NPHP1: variants seen among roughly 807,000 people sequenced by gnomAD.
The protein encoded by NPHP1 is nephrocystin 1, also known as nephrocystin-1.
Under a neutral mutation model 90.4 loss-of-function variants are expected in NPHP1, and 70 were observed. The observed-to-expected ratio is 0.77, with a 90% confidence interval of 0.64 to 0.95. The LOEUF is 0.95. Ranked by LOEUF, NPHP1 falls within the 40% of genes least tolerant of loss-of-function variation. NPHP1 has a pLI of 0.00. For missense variants in NPHP1, 764 were observed against 795.9 expected (o/e 0.96, Z 0.48); for synonymous variants, 256 against 271.7 (o/e 0.94, Z 0.57).
chr2:110,204,321 C>G (rs1685772139), intron 1 of NPHP1, among the ~76,000 whole-genome samples: 2 of 152,168 alleles, frequency 1.3e-5, no homozygotes, highest in Non-Finnish European at 2.9e-5. Flanking sequence ...ACTTGAGTAT[C>G]TTTGAAGTTA....
At position 110,126,344 on chromosome 2, in the gene NPHP1, C is replaced by T. The variant is rs1342368876; in HGVS notation, c.1717-663G>A. On this transcript the variant is annotated intron_variant, in intron 18 of 19. Transcript: ENST00000445609. ...GTCAGTAGATATCCTCCTGTTGGCACCTGATATCATGAGTAACCTGAAAGC... is the reference window on the plus strand; with the variant it reads ...GTCAGTAGATATCCTCCTGTTGGCATCTGATATCATGAGTAACCTGAAAGC... The T allele has an allele frequency of 1.3e-5, 2 of 152,906 alleles. 1 individual carries two copies. The highest frequency in any genetic ancestry group is 6.3e-3 in the Middle Eastern group (2 of 316). 9.5% of individuals were successfully genotyped at this position (152,906 alleles called of 1,614,324 possible). A position where few individuals can be genotyped will look rare whatever the true frequency, so the allele number is the denominator to read the frequency against.
chr2:110,164,840 C>G (rs1284468920), intron 7 of NPHP1, 110 bp from the exon 8 acceptor site: 2 of 1,078,756 alleles, frequency 1.9e-6, no homozygotes, highest in Non-Finnish European at 2.9e-6. Flanking sequence ...GAAAATCTAA[C>G]AGTTTCCAGA....
intron 2 of NPHP1, among the ~76,000 whole-genome samples, chr2:110,186,350 C>T (rs1684284147): frequency 6.6e-6 from 1 of 152,184 alleles, no homozygotes; most frequent in Non-Finnish European, 1.5e-5. Context: ...AACCATGTTG[C>T]CTTTTGCCAC....
At chr2:110,160,985 GCAAAACCCCATCTTTA>G in intron 10 of NPHP1, among the ~76,000 whole-genome samples, 1 of 152,086 alleles carries the variant, frequency 6.6e-6, no homozygotes, top group Middle Eastern at 3.4e-3. Context: ...TGGCAACGTG[GCAAAACCCCATCTTTA>G]CAAAAAATAC....
intron 16 of NPHP1, among the ~76,000 whole-genome samples, chr2:110,135,930 C>T (rs551833486): frequency 1.3e-5 from 2 of 152,198 alleles, no homozygotes; most frequent in East Asian, 1.9e-4. Context: ...ATGGATTCCA[C>T]GAGTAATTAA....
At chr2:110,175,167 A>C (rs2104599117) in intron 4 of NPHP1, among the ~76,000 whole-genome samples, 1 of 152,250 alleles carries the variant, frequency 6.6e-6, no homozygotes, top group African/African-American at 2.4e-5. Context: ...ACTTTATAGA[A>C]CATAACTACT....
chr2:110,141,332 C>T (rs1680609540), intron 16 of NPHP1, among the ~76,000 whole-genome samples: 1 of 152,118 alleles, frequency 6.6e-6, no homozygotes, highest in Non-Finnish European at 1.5e-5. Context: ...TAAATACTGG[C>T]TGTTTTATGT....
chr2:110,146,862 C>T (rs759724748), intron 13 of NPHP1, 27 bp from the exon 14 acceptor site: 1 of 1,547,670 alleles, frequency 6.5e-7, no homozygotes. Flanking sequence ...GTATATGAAA[C>T]TTAAGGTCTG....
intron 16 of NPHP1, among the ~76,000 whole-genome samples, chr2:110,143,317 T>C (rs974722592): frequency 6.6e-6 from 1 of 152,188 alleles, no homozygotes; most frequent in African/African-American, 2.4e-5. Context: ...ATTTACTAGA[T>C]GGCTCAAATA....
intron 1 of NPHP1, chr2:110,202,549 G>A: frequency 5.4e-6 from 2 of 373,674 alleles, no homozygotes; most frequent in East Asian, 1.5e-4. Flanking sequence ...GTATCAAAAG[G>A]CTCCAGAGCC....
intron 2 of NPHP1, among the ~76,000 whole-genome samples, chr2:110,186,088 G>A (rs891327053): frequency 1.3e-5 from 2 of 152,114 alleles, no homozygotes; most frequent in African/African-American, 2.4e-5. Context: ...CCAGGGCCCC[G>A]CCTCTCCCTG....
chr2:110,158,744 C>G (rs887283349), intron 11 of NPHP1, among the ~76,000 whole-genome samples: 4 of 151,644 alleles, frequency 2.6e-5, no homozygotes, highest in African/African-American at 9.7e-5. Flanking sequence ...TTTTATACTT[C>G]TAGTGGTTTT....
intron 2 of NPHP1, among the ~76,000 whole-genome samples, chr2:110,189,337 C>A (rs528574238): frequency 1.3e-3 from 195 of 152,068 alleles, no homozygotes; most frequent in Non-Finnish European, 2.3e-3. Context: ...GAGTTTCTTC[C>A]TTCTGGTGGG....
intron 17 of NPHP1, among the ~76,000 whole-genome samples, chr2:110,130,692 C>A (rs1679712533): frequency 6.6e-6 from 1 of 152,182 alleles, no homozygotes. Flanking sequence ...AGCCCTCCAA[C>A]ACATGCATGT....
At chr2:110,174,514 T>C (rs1683370700) in intron 4 of NPHP1, among the ~76,000 whole-genome samples, 1 of 152,180 alleles carries the variant, frequency 6.6e-6, no homozygotes, top group Admixed American at 6.6e-5. Flanking sequence ...CCAGCCTTTG[T>C]GCTATGCTGT....
In NPHP1 at chr2:110,164,487, C is replaced by CAAA. The variant is rs376683260; in HGVS notation, c.771+198_771+200dup. The CAAA allele has an allele frequency of 1.2e-3, 1,030 of 881,228 alleles. 1 individual carries two copies. Among genetic ancestry groups the CAAA allele is most frequent in the Non-Finnish European group, 1.3e-3 (716 of 562,628 alleles). 54.6% of individuals were successfully genotyped at this position (881,228 alleles called of 1,614,324 possible). ...CCATGAATTATCTATTCTTTTTGTA[C>CAAA]AAAAAAAAAAAAAAACTAATGAGAA... On this transcript the variant is annotated intron_variant, in intron 8 of 19. Coordinates refer to ENST00000445609, the MANE Select transcript of NPHP1 (RefSeq NM_001128178.3).
At chr2:110,144,994 A>C (rs1208366219) in intron 14 of NPHP1, among the ~76,000 whole-genome samples, 4 of 152,018 alleles carry the variant, frequency 2.6e-5, no homozygotes, top group African/African-American at 9.7e-5. Context: ...GTAGATTATT[A>C]TAAAAAGTTT....
At chr2:110,176,576 C>T (rs1467004838) in intron 4 of NPHP1, among the ~76,000 whole-genome samples, 1 of 151,978 alleles carries the variant, frequency 6.6e-6, no homozygotes, top group Non-Finnish European at 1.5e-5. Context: ...ATGTTATATT[C>T]CTCTAAGAAA....
At chr2:110,201,941 C>T (rs1685601666) in intron 1 of NPHP1, among the ~76,000 whole-genome samples, 1 of 152,148 alleles carries the variant, frequency 6.6e-6, no homozygotes, top group Admixed American at 6.5e-5. Flanking sequence ...GCCAGTAAAT[C>T]CCCTCCTTAT....
Sources: gnomAD v4.1 joint callset for allele counts (sites outside exome capture counted in the v4.1 genomes callset) on GRCh38, gnomAD v4.1.1 for gene constraint, MANE v1.5 for transcripts, NCBI Gene and HGNC (gene_info 2026-07-23, HGNC 2026-07-21) for gene names.